The following TRIP12 variants were observed in gnomAD, a reference collection of about 807,000 sequenced individuals.
The protein encoded by TRIP12 is E3 ubiquitin-protein ligase TRIP12.
Under a neutral mutation model 244.2 loss-of-function variants are expected in TRIP12, and 25 were observed. The observed-to-expected ratio is 0.10, with a 90% confidence interval of 0.07 to 0.14. The LOEUF is 0.14. TRIP12 is among the 10% of genes least tolerant of loss of function. TRIP12 has a pLI of 1.00. For missense variants in TRIP12, 1,677 were observed against 2,486.4 expected (o/e 0.67, Z 6.92); for synonymous variants, 905 against 873.1 (o/e 1.04, Z -0.64).
chr2:229,846,636 T>C (rs2057638097), intron 4 of TRIP12, among the ~76,000 whole-genome samples: 1 of 151,284 alleles, frequency 6.6e-6, no homozygotes, highest in Non-Finnish European at 1.5e-5. Flanking sequence ...GGTATGCCCG[T>C]GTAACTATAT....
chr2:229,873,740 T>C (rs2063100610), intron 2 of TRIP12, among the ~76,000 whole-genome samples: 1 of 152,164 alleles, frequency 6.6e-6, no homozygotes, highest in African/African-American at 2.4e-5. Flanking sequence ...GCTCTAAAAA[T>C]GTAAAGAAAA....
intron 22 of TRIP12, 38 bp downstream of exon 22, chr2:229,799,245 T>A (rs988379495): frequency 1.2e-6 from 2 of 1,602,006 alleles, no homozygotes; most frequent in Non-Finnish European, 1.7e-6. Context: ...GCTACCACCC[T>A]CCCCTTTACC....
At chr2:229,882,504 C>T (rs2065079088) in intron 1 of TRIP12, among the ~76,000 whole-genome samples, 1 of 152,156 alleles carries the variant, frequency 6.6e-6, no homozygotes, top group Non-Finnish European at 1.5e-5. Context: ...CCTGGGTATA[C>T]TGCGATACAC....
At chr2:229,880,770 C>G (rs2064681957) in intron 1 of TRIP12, among the ~76,000 whole-genome samples, 1 of 152,070 alleles carries the variant, frequency 6.6e-6, no homozygotes, top group African/African-American at 2.4e-5. Context: ...ATGATGAAAC[C>G]CCGTCTCTAC....
At chr2:229,893,787 T>A (rs1360718232) in intron 1 of TRIP12, among the ~76,000 whole-genome samples, 1 of 152,226 alleles carries the variant, frequency 6.6e-6, no homozygotes, top group East Asian at 1.9e-4. Context: ...TCATCTCTTT[T>A]GAGCAGAATT....
rs914741377 is a variant in TRIP12, at chr2:229,766,493, T to A, written c.*1061A>T. The A allele has an allele frequency of 6.6e-6, 1 of 152,156 alleles. No homozygotes were observed. Among genetic ancestry groups the A allele is most frequent in the African/African-American group, 2.4e-5 (1 of 41,414 alleles). The allele number at this position is 152,156 out of a possible 1,614,324, so 9.4% of individuals were successfully genotyped here. ...ACAGCATTGCTTACAGGTGCTTTTA[T>A]CTGCGTCGAGACAAAGGCTGAACTG... is the stretch of plus-strand genomic sequence containing the variant. On this transcript the variant is annotated 3_prime_UTR_variant, in exon 42 of 42. Coordinates refer to ENST00000675903, the MANE Select transcript of TRIP12 (RefSeq NM_001348323.3).
At position 229,791,223 on chromosome 2, in the gene TRIP12, T is replaced by G; in HGVS notation, c.4444A>C (p.Ser1482Arg). 6.2e-7 allele frequency: 1 copy of G among 1,614,126 alleles called. No homozygotes were observed. Residue 1482 changes from serine to arginine, a missense_variant, in exon 30 of 42, where the codon AGT (serine) becomes CGT (arginine). Transcript: ENST00000675903. ...WYKPVREDEE[S>R]NKDCVGGKRG... ...TTACCACCAACACAATCTTTATTAC[T>G]TTCTTCATCCTCTCTCACAGGTTTA...
intron 8 of TRIP12, among the ~76,000 whole-genome samples, chr2:229,827,478 A>T (rs541360417): frequency 1.2e-4 from 18 of 151,940 alleles, no homozygotes; most frequent in South Asian, 2.1e-4. Flanking sequence ...TATTATTATT[A>T]TTTTTTTGGT....
At chr2:229,790,486 G>C (rs1033922465) in intron 30 of TRIP12, among the ~76,000 whole-genome samples, 4 of 151,040 alleles carry the variant, frequency 2.6e-5, no homozygotes, top group Non-Finnish European at 4.4e-5. Context: ...CTGTGGACCA[G>C]GGAAACCAGT....
chr2:229,793,603 T>C (rs1271146661), intron 26 of TRIP12, among the ~76,000 whole-genome samples: 1 of 152,224 alleles, frequency 6.6e-6, no homozygotes, highest in African/African-American at 2.4e-5. Context: ...CCTTTAAAAT[T>C]TACCTTGCTA....
chr2:229,902,305 AG>A (rs1396630124), intron 1 of TRIP12, among the ~76,000 whole-genome samples: 3 of 152,020 alleles, frequency 2.0e-5, no homozygotes, highest in Admixed American at 1.3e-4. Context: ...ACTTAAACCC[AG>A]GAGGCGGAGG....
At chr2:229,796,044 G>A (rs1180941485) in intron 25 of TRIP12, among the ~76,000 whole-genome samples, 1 of 152,196 alleles carries the variant, frequency 6.6e-6, no homozygotes, top group Non-Finnish European at 1.5e-5. Context: ...GGAGAATGCT[G>A]TCAACAGCAT....
intron 4 of TRIP12, among the ~76,000 whole-genome samples, chr2:229,852,172 T>C (rs577286259): frequency 6.6e-6 from 1 of 152,350 alleles, no homozygotes; most frequent in Admixed American, 6.5e-5. Flanking sequence ...ACTACTGCTA[T>C]GTTACTAATA....
intron 30 of TRIP12, 98 bp from the exon 31 acceptor site, chr2:229,789,860 G>A: frequency 1.5e-6 from 2 of 1,330,482 alleles, no homozygotes; most frequent in Non-Finnish European, 2.1e-6. Context: ...AACAGAAGTT[G>A]TTATAGTCAA....
intron 2 of TRIP12, among the ~76,000 whole-genome samples, chr2:229,862,703 G>A (rs2060669613): frequency 6.6e-6 from 1 of 152,070 alleles, no homozygotes; most frequent in Non-Finnish European, 1.5e-5. Context: ...GAAACTAAAG[G>A]TGAGGTCTGG....
chr2:229,812,080 TTTTA>T (rs776390202), intron 13 of TRIP12, among the ~76,000 whole-genome samples: 104 of 152,232 alleles, frequency 6.8e-4, no homozygotes, highest in Non-Finnish European at 8.8e-4. Context: ...TCAACTATGT[TTTTA>T]TTTATTTATT....
At chr2:229,915,799 T>G (rs944604225) in intron 1 of TRIP12, among the ~76,000 whole-genome samples, 1 of 152,002 alleles carries the variant, frequency 6.6e-6, no homozygotes, top group African/African-American at 2.4e-5. Flanking sequence ...GCTCAAGCAA[T>G]CCTCTCACCT....
intron 2 of TRIP12, among the ~76,000 whole-genome samples, chr2:229,861,492 C>T (rs1431042608): frequency 6.6e-6 from 1 of 152,032 alleles, no homozygotes; most frequent in Non-Finnish European, 1.5e-5. Context: ...CAATGAAAAT[C>T]TAGAAAAAAG....
At chr2:229,772,775 C>T (rs923957295) in intron 38 of TRIP12, among the ~76,000 whole-genome samples, 21 of 150,658 alleles carry the variant, frequency 1.4e-4, no homozygotes, top group Non-Finnish European at 2.6e-4. Flanking sequence ...TATTATTTAA[C>T]CTATATTCTC....
Sources: gnomAD v4.1 joint callset for allele counts (sites outside exome capture counted in the v4.1 genomes callset) on GRCh38, gnomAD v4.1.1 for gene constraint, MANE v1.5 for transcripts, NCBI Gene and HGNC (gene_info 2026-07-23, HGNC 2026-07-21) for gene names.